Variants in DEPDC1B observed in about 807,000 individuals in gnomAD.
The protein encoded by DEPDC1B is DEP domain-containing protein 1B.
A neutral mutation model predicts 66.5 loss-of-function variants in DEPDC1B; 51 were observed. The ratio of observed to expected loss-of-function variants is 0.77; its 90% CI spans 0.61 to 0.97. The LOEUF is 0.97. Ranked by LOEUF, DEPDC1B falls within the 50% of genes least tolerant of loss-of-function variation. The probability of loss-of-function intolerance (pLI) is 0.00; values close to 1 mark genes in which losing one functional copy is unlikely to be tolerated. For missense variants in DEPDC1B, 552 were observed against 637.1 expected (o/e 0.87, Z 1.44); for synonymous variants, 226 against 223.6 (o/e 1.01, Z -0.10).
At chr5:60,686,732 G>A (rs888783905) in intron 2 of DEPDC1B, among the ~76,000 whole-genome samples, 7 of 152,310 alleles carry the variant, frequency 4.6e-5, no homozygotes, top group Admixed American at 2.0e-4. Flanking sequence ...TTACCTTACT[G>A]AAACATCACT....
intron 2 of DEPDC1B, among the ~76,000 whole-genome samples, chr5:60,684,078 C>T (rs1370701828): frequency 6.6e-6 from 1 of 151,268 alleles, no homozygotes; most frequent in East Asian, 1.9e-4. Context: ...AACTACAAAA[C>T]CCTGTTGAAA....
At chr5:60,649,816 A>G (rs992033039) in intron 2 of DEPDC1B, among the ~76,000 whole-genome samples, 2 of 152,078 alleles carry the variant, frequency 1.3e-5, no homozygotes, top group Non-Finnish European at 2.9e-5. Context: ...TTAAAGAAGA[A>G]CTAAATTGAT....
chr5:60,635,880 C>T (rs1753033680), intron 7 of DEPDC1B, among the ~76,000 whole-genome samples: 1 of 152,122 alleles, frequency 6.6e-6, no homozygotes, highest in South Asian at 2.1e-4. Flanking sequence ...TCAAATCAGA[C>T]GTTTTCATGG....
intron 2 of DEPDC1B, among the ~76,000 whole-genome samples, chr5:60,664,624 C>T (rs934984544): frequency 1.3e-5 from 2 of 152,124 alleles, no homozygotes; most frequent in South Asian, 4.1e-4. Flanking sequence ...CTGATCCCGA[C>T]CTCAACTTGT....
At chr5:60,688,971 C>T (rs1754485116) in intron 1 of DEPDC1B, 1 of 455,770 alleles carries the variant, frequency 2.2e-6, no homozygotes, top group Non-Finnish European at 4.4e-6. Context: ...TAATACACTG[C>T]TGGCCATGCT....
intron 2 of DEPDC1B, 106 bp downstream of exon 2, chr5:60,686,856 C>T: frequency 7.2e-7 from 1 of 1,380,412 alleles, no homozygotes; most frequent in Non-Finnish European, 1.0e-6. Flanking sequence ...ACCCACTGTT[C>T]AGTGAACAAG....
At chr5:60,628,964 A>G (rs1299201782) in intron 7 of DEPDC1B, among the ~76,000 whole-genome samples, 1 of 151,992 alleles carries the variant, frequency 6.6e-6, no homozygotes, top group African/African-American at 2.4e-5. Flanking sequence ...GGATTATCCT[A>G]GTGATCACTG....
At chr5:60,617,357 G>A (rs558974714) in intron 7 of DEPDC1B, among the ~76,000 whole-genome samples, 3 of 152,274 alleles carry the variant, frequency 2.0e-5, no homozygotes, top group Admixed American at 6.5e-5. Flanking sequence ...TGGATAAAGA[G>A]TCAAGACTCA....
At position 60,657,272 on chromosome 5, in the gene DEPDC1B, G is replaced by T. The variant is rs1753599483; in HGVS notation, c.315-9739C>A. Among the ~76,000 whole-genome samples the T allele has an allele frequency of 1.3e-5, 2 of 152,138 alleles. 1 individual carries two copies. The highest frequency in any genetic ancestry group is 4.1e-4 in the South Asian group (2 of 4,828). On this transcript the variant is annotated intron_variant, in intron 2 of 10. Transcript: ENST00000265036. The stretch of plus-strand genomic sequence containing the variant: ...CCACATTCTGTATCTTTTAAGTGGA[G>T]CATTTAGGCCATTTACATTCAATGT...
Position 60,687,186 on chromosome 5 carries a change from T to C in DEPDC1B, c.90A>G (p.Leu30=). ...TCTTGAAACGACAGCGATGTTTCCG[T>C]AACGGCATCTTAGCACGAAAAAGCT... ...TVELFRAKMP[L]RKHRCRFKSY... The change falls in exon 2 of 11, where the codon TTA becomes TTG. Residue 30 remains leucine (L), a synonymous_variant. Coordinates refer to ENST00000265036, the MANE Select transcript of DEPDC1B (RefSeq NM_018369.3). 1 of 1,613,656 alleles carries C rather than the reference T, an allele frequency of 6.2e-7. No homozygotes were observed. Among genetic ancestry groups the C allele is most frequent in the Non-Finnish European group, 8.5e-7 (1 of 1,179,562 alleles).
chr5:60,638,926 TG>T, intron 6 of DEPDC1B, 36 bp from the exon 7 acceptor site: 1 of 1,602,078 alleles, frequency 6.2e-7, no homozygotes, highest in African/African-American at 1.3e-5. Flanking sequence ...GAAACATTAA[TG>T]GAGTAATTAC....
At chr5:60,649,180 A>T (rs1360194387) in intron 2 of DEPDC1B, among the ~76,000 whole-genome samples, 1 of 152,320 alleles carries the variant, frequency 6.6e-6, no homozygotes, top group East Asian at 1.9e-4. Context: ...TTTGGAAAGT[A>T]TAAGTCTCTC....
chr5:60,672,844 G>A (rs780645831), intron 2 of DEPDC1B, among the ~76,000 whole-genome samples: 1 of 152,124 alleles, frequency 6.6e-6, no homozygotes, highest in Non-Finnish European at 1.5e-5. Flanking sequence ...TCCATACTAA[G>A]CTCACATTAT....
chr5:60,660,957 G>C (rs11956023), intron 2 of DEPDC1B, among the ~76,000 whole-genome samples: 69,910 of 152,116 alleles, frequency 0.46, 17,402 homozygotes, highest in East Asian at 0.57. Context: ...AGCAGAGTTA[G>C]GAAAATTGCC....
chr5:60,633,959 G>A (rs1752982708), intron 7 of DEPDC1B, among the ~76,000 whole-genome samples: 1 of 152,288 alleles, frequency 6.6e-6, no homozygotes. Flanking sequence ...GAAGCACAAT[G>A]TTGGGTGTGT....
At chr5:60,646,307 A>G (rs780248132) in intron 3 of DEPDC1B, among the ~76,000 whole-genome samples, 1 of 152,162 alleles carries the variant, frequency 6.6e-6, no homozygotes, top group Admixed American at 6.5e-5. Flanking sequence ...CTTTGCTTAT[A>G]TATTTGGTCA....
chr5:60,606,960 T>G (rs1752323768), intron 7 of DEPDC1B, among the ~76,000 whole-genome samples: 1 of 152,202 alleles, frequency 6.6e-6, no homozygotes, highest in Non-Finnish European at 1.5e-5. Flanking sequence ...TCTTTTACAT[T>G]GAATAAGTAT....
intron 2 of DEPDC1B, 132 bp from the exon 3 acceptor site, chr5:60,647,665 A>C: frequency 9.8e-7 from 1 of 1,020,130 alleles, no homozygotes; most frequent in Non-Finnish European, 1.4e-6. Flanking sequence ...TAATTACATA[A>C]ATTTTAATTT....
intron 7 of DEPDC1B, among the ~76,000 whole-genome samples, chr5:60,635,680 T>A (rs533544449): frequency 7.9e-5 from 12 of 152,214 alleles, no homozygotes; most frequent in Non-Finnish European, 1.8e-4. Context: ...TCACGCTCCT[T>A]GAACACTTGC....
Sources: allele counts gnomAD v4.1 joint callset (sites outside exome capture counted in the v4.1 genomes callset), GRCh38; gene constraint gnomAD v4.1.1; transcripts MANE v1.5; gene names NCBI Gene and HGNC (gene_info 2026-07-23, HGNC 2026-07-21).